The following KLHL18 variants were observed in gnomAD, a reference collection of about 807,000 sequenced individuals.
KLHL18 encodes kelch like family member 18.
A neutral mutation model predicts 58.5 loss-of-function variants in KLHL18; 38 were observed. That is an observed-to-expected ratio of 0.65 (90% CI 0.50 to 0.85). KLHL18 has a LOEUF of 0.85. Ranked by LOEUF, KLHL18 falls within the 40% of genes least tolerant of loss-of-function variation. KLHL18 has a pLI of 0.00. For missense variants in KLHL18, 624 were observed against 778.4 expected (o/e 0.80, Z 2.36); for synonymous variants, 303 against 301.9 (o/e 1.00, Z -0.04).
chr3:47,343,798 G>A lies in KLHL18; in HGVS notation c.1582G>A (p.Ala528Thr), dbSNP rs754476742. ...GGTGGCCAGCTGTGGGCGCCTCTAC[G>A]CTGTTGGGGGCTACGACGGACAGTC... ...SLVASCGRLYAVGGYDGQSNL... is the reference protein window; with the variant it reads ...SLVASCGRLYTVGGYDGQSNL... The change falls in exon 10 of 10, where the codon GCT becomes ACT. Residue 528 changes from alanine to threonine, a missense_variant. Coordinates refer to ENST00000232766, the MANE Select transcript of KLHL18 (RefSeq NM_025010.5). The A allele has an allele frequency of 8.7e-6, 14 of 1,614,090 alleles. No individual in the cohort carries two copies. The highest frequency in any genetic ancestry group is 4.5e-5 in the East Asian group (2 of 44,892).
chr3:47,310,042 T>C (rs1703261987), intron 1 of KLHL18, among the ~76,000 whole-genome samples: 1 of 152,130 alleles, frequency 6.6e-6, no homozygotes. Context: ...GTATATTCAT[T>C]GTGAGCTCCT....
At chr3:47,285,642 G>C (rs1559483166) in intron 1 of KLHL18, among the ~76,000 whole-genome samples, 2 of 152,180 alleles carry the variant, frequency 1.3e-5, no homozygotes, top group Non-Finnish European at 2.9e-5. Flanking sequence ...GTGGCAGCGT[G>C]GGATGGTCAC....
intron 1 of KLHL18, among the ~76,000 whole-genome samples, chr3:47,288,340 G>C (rs1315300454): frequency 6.6e-6 from 1 of 151,900 alleles, no homozygotes; most frequent in Non-Finnish European, 1.5e-5. Context: ...GTCACAGGTT[G>C]AGTTAAGCAG....
chr3:47,291,994 G>A (rs1009890906), intron 1 of KLHL18, among the ~76,000 whole-genome samples: 4 of 152,200 alleles, frequency 2.6e-5, no homozygotes, highest in African/African-American at 9.7e-5. Flanking sequence ...TGAAGCTGAG[G>A]ATGCTTAGCT....
At chr3:47,306,457 CT>C (rs1703150485) in intron 1 of KLHL18, among the ~76,000 whole-genome samples, 1 of 152,064 alleles carries the variant, frequency 6.6e-6, no homozygotes, top group Non-Finnish European at 1.5e-5. Flanking sequence ...TTGTGTGTAG[CT>C]TTTAATTCAT....
intron 4 of KLHL18, among the ~76,000 whole-genome samples, chr3:47,330,487 A>T (rs113471207): frequency 0.066 from 10,007 of 152,006 alleles, 1,114 homozygotes; most frequent in African/African-American, 0.23. Context: ...TTTTGTAGAG[A>T]CCGGGTTTCA....
chr3:47,344,126 G>T lies in KLHL18; in HGVS notation c.*185G>T. On this transcript the variant is annotated 3_prime_UTR_variant, in exon 10 of 10. Transcript: ENST00000232766. ...GCCACCCTTGTGACCTTCAGGCTTG[G>T]GTCATCAAGATGCACAGCATGGAAC... The T allele has an allele frequency of 1.5e-6, 1 of 672,410 alleles. No homozygotes were observed. The highest frequency in any genetic ancestry group is 2.5e-6 in the Non-Finnish European group (1 of 407,132). The allele number at this position is 672,410 out of a possible 1,614,324, so 41.7% of individuals were successfully genotyped here.
At chr3:47,303,576 T>A (rs1411068827) in intron 1 of KLHL18, among the ~76,000 whole-genome samples, 3 of 152,196 alleles carry the variant, frequency 2.0e-5, no homozygotes, top group Admixed American at 6.5e-5. Context: ...TGTCATCCTT[T>A]CCGTTCAAGG....
intron 1 of KLHL18, among the ~76,000 whole-genome samples, chr3:47,307,408 T>A (rs1164460636): frequency 6.6e-6 from 1 of 152,058 alleles, no homozygotes; most frequent in Non-Finnish European, 1.5e-5. Flanking sequence ...TAGTCAGATA[T>A]TGAAGTCTTC....
intron 1 of KLHL18, among the ~76,000 whole-genome samples, chr3:47,307,409 T>G (rs1158239950): frequency 6.6e-6 from 1 of 152,144 alleles, no homozygotes; most frequent in Non-Finnish European, 1.5e-5. Flanking sequence ...AGTCAGATAT[T>G]GAAGTCTTCT....
chr3:47,337,084 G>T (rs1208989068), intron 7 of KLHL18: 1 of 277,208 alleles, frequency 3.6e-6, no homozygotes, highest in Admixed American at 4.9e-5. Flanking sequence ...ACTTCTGGAA[G>T]ATTTCAGGGA....
chr3:47,327,004 C>T (rs769195106), intron 3 of KLHL18, among the ~76,000 whole-genome samples: 2 of 151,084 alleles, frequency 1.3e-5, no homozygotes, highest in South Asian at 2.1e-4. Context: ...TTTTGGAGGC[C>T]GAGGCAGGCA....
chr3:47,303,110 T>C (rs1260903891), intron 1 of KLHL18, among the ~76,000 whole-genome samples: 1 of 152,240 alleles, frequency 6.6e-6, no homozygotes, highest in Non-Finnish European at 1.5e-5. Context: ...CGTGACGTCA[T>C]GTACAACAGC....
chr3:47,303,977 C>T (rs1703082005), intron 1 of KLHL18, among the ~76,000 whole-genome samples: 1 of 152,070 alleles, frequency 6.6e-6, no homozygotes, highest in Admixed American at 6.6e-5. Flanking sequence ...GATTCTCCCA[C>T]CTCAGCCTCC....
At chr3:47,324,010 G>A (rs1272136241) in intron 3 of KLHL18, among the ~76,000 whole-genome samples, 1 of 152,210 alleles carries the variant, frequency 6.6e-6, no homozygotes, top group Non-Finnish European at 1.5e-5. Context: ...CTAAGATTTA[G>A]TGGGGAGCTC....
At chr3:47,319,574 G>T in intron 1 of KLHL18, 79 bp from the exon 2 acceptor site, 1 of 1,511,438 alleles carries the variant, frequency 6.6e-7, no homozygotes, top group Non-Finnish European at 9.0e-7. Context: ...CGGGCGGAGG[G>T]GCAGGGTGGG....
chr3:47,285,886 A>G (rs2107569157), intron 1 of KLHL18, among the ~76,000 whole-genome samples: 1 of 152,274 alleles, frequency 6.6e-6, no homozygotes, highest in South Asian at 2.1e-4. Context: ...CATCTCTACA[A>G]AAAATTAGCT....
At chr3:47,298,353 TA>T (rs36006254) in intron 1 of KLHL18, among the ~76,000 whole-genome samples, 9 of 118,516 alleles carry the variant, frequency 7.6e-5, no homozygotes, top group African/African-American at 1.6e-4. Flanking sequence ...ATCCTGTCTC[TA>T]AAAAAAAAAA....
At chr3:47,315,657 T>A (rs1703403176) in intron 1 of KLHL18, among the ~76,000 whole-genome samples, 1 of 152,182 alleles carries the variant, frequency 6.6e-6, no homozygotes, top group Non-Finnish European at 1.5e-5. Flanking sequence ...ATCACCCTAA[T>A]GTGAAGCCCA....
Sources: gnomAD v4.1 joint callset for allele counts (sites outside exome capture counted in the v4.1 genomes callset) on GRCh38, gnomAD v4.1.1 for gene constraint, MANE v1.5 for transcripts, NCBI Gene and HGNC (gene_info 2026-07-23, HGNC 2026-07-21) for gene names.